The following RNF24 variants were observed in gnomAD, a reference collection of about 807,000 sequenced individuals.
RNF24 encodes ring finger protein 24.
A neutral mutation model predicts 20.0 loss-of-function variants in RNF24; 14 were observed. The ratio of observed to expected loss-of-function variants is 0.70; its 90% CI spans 0.46 to 1.10. The LOEUF is 1.10. RNF24 is among the 50% of genes least tolerant of loss of function. The pLI is 0.00. For synonymous variants in RNF24, 45 were observed against 61.1 expected (o/e 0.74, Z 1.23); for missense variants, 124 against 177.6 (o/e 0.70, Z 1.71).
At chr20:4,004,594 A>T (rs1452567089) in intron 1 of RNF24, among the ~76,000 whole-genome samples, 1 of 152,218 alleles carries the variant, frequency 6.6e-6, no homozygotes, top group East Asian at 1.9e-4. Flanking sequence ...TCCAATGGCA[A>T]GTGTCTTTAT....
intron 1 of RNF24, among the ~76,000 whole-genome samples, chr20:4,008,271 A>G (rs1416152363): frequency 7.4e-6 from 1 of 134,704 alleles, no homozygotes; most frequent in East Asian, 2.0e-4. Flanking sequence ...TTCAACTCCA[A>G]GCAGTCTGAT....
In RNF24 at chr20:3,931,907, G is replaced by A. The variant is rs1342143344; in HGVS notation, c.*2156C>T. On this transcript the variant is annotated 3_prime_UTR_variant, in exon 6 of 6. Transcript: ENST00000358395. ...ACATGCCTGTGGCTCTGACACGGGGGGATGAATTAACTTGCCTCTGTTCAA... is the reference window on the plus strand; with the variant it reads ...ACATGCCTGTGGCTCTGACACGGGGAGATGAATTAACTTGCCTCTGTTCAA... The A allele has an allele frequency of 6.6e-6, 1 of 152,216 alleles. No individual in the cohort carries two copies. The highest frequency in any genetic ancestry group is 2.4e-5 in the African/African-American group (1 of 41,452). The allele number at this position is 152,216 out of a possible 1,614,324, so 9.4% of individuals were successfully genotyped here. A position where few individuals can be genotyped will look rare whatever the true frequency, so the allele number is the denominator to read the frequency against.
chr20:3,956,882 C>T (rs1010206597), intron 2 of RNF24, among the ~76,000 whole-genome samples: 4 of 152,084 alleles, frequency 2.6e-5, no homozygotes, highest in African/African-American at 2.4e-5. Flanking sequence ...TAAAATGGAC[C>T]GGGCATGGTG....
chr20:4,000,483 C>A (rs1981301009), intron 1 of RNF24, among the ~76,000 whole-genome samples: 1 of 152,096 alleles, frequency 6.6e-6, no homozygotes. Flanking sequence ...TGAGATGAAG[C>A]CATTGCACTC....
Position 3,932,771 on chromosome 20 carries a change from C to T in RNF24, c.*1292G>A, listed in dbSNP as rs145977270. The T allele has an allele frequency of 0.011, 4,216 of 397,466 alleles. 49 individuals carry two copies. The highest frequency in any genetic ancestry group is 0.011 in the Non-Finnish European group (2,477 of 225,886). The allele number at this position is 397,466 out of a possible 1,614,324, so 24.6% of individuals were successfully genotyped here. A position where few individuals can be genotyped will look rare whatever the true frequency, so the allele number is the denominator to read the frequency against. ...GAGCAGGGCTGTGGAAAAGAATTTT[C>T]CATCTGACCTGCTACTTTCCATAGC... On this transcript the variant is annotated 3_prime_UTR_variant, in exon 6 of 6. Coordinates refer to ENST00000358395, the MANE Select transcript of RNF24 (RefSeq NM_001134337.3).
intron 1 of RNF24, among the ~76,000 whole-genome samples, chr20:3,972,048 G>C (rs975510027): frequency 6.6e-6 from 1 of 152,028 alleles, no homozygotes. Context: ...TTACCAGAGA[G>C]AGAAAGAAAC....
At chr20:3,973,055 T>C (rs151138715) in intron 1 of RNF24, among the ~76,000 whole-genome samples, 436 of 151,270 alleles carry the variant, frequency 2.9e-3, no homozygotes, top group African/African-American at 9.9e-3. Flanking sequence ...ACACAAAAAT[T>C]AGCTGGGTGT....
At chr20:4,007,431 T>C (rs1981964594) in intron 1 of RNF24, among the ~76,000 whole-genome samples, 1 of 152,088 alleles carries the variant, frequency 6.6e-6, no homozygotes, top group African/African-American at 2.4e-5. Context: ...CATTGTCTTA[T>C]AGCTGTTTCA....
In RNF24 at chr20:3,933,669, T is replaced by C. The variant is rs1030983872; in HGVS notation, c.*394A>G. On this transcript the variant is annotated 3_prime_UTR_variant, in exon 6 of 6. Coordinates refer to ENST00000358395, the MANE Select transcript of RNF24 (RefSeq NM_001134337.3). The stretch of plus-strand genomic sequence containing the variant: ...AGGTTTGCTGCGACAAAGGCCTGCA[T>C]GGCCTACAGAGAAACCCATCCATCC... 20 of 172,968 alleles carry C rather than the reference T, an allele frequency of 1.2e-4. No individual in the cohort carries two copies. Among genetic ancestry groups the C allele is most frequent in the African/African-American group, 4.7e-4 (20 of 42,438 alleles). The allele number at this position is 172,968 out of a possible 1,614,324, so 10.7% of individuals were successfully genotyped here. A position where few individuals can be genotyped will look rare whatever the true frequency, so the allele number is the denominator to read the frequency against.
At chr20:3,949,061 C>T (rs775520080) in intron 2 of RNF24, among the ~76,000 whole-genome samples, 29 of 152,166 alleles carry the variant, frequency 1.9e-4, no homozygotes, top group Non-Finnish European at 3.5e-4. Flanking sequence ...AGTATATACC[C>T]GGGAGTAGAA....
chr20:3,945,178 T>G lies in RNF24; in HGVS notation c.227A>C (p.Glu76Ala). Residue 76 changes from glutamate (E) to alanine (A), a missense_variant and splice_region_variant, in exon 4 of 6, where the codon GAG becomes GCG. Physicochemically the swap from Glu to Ala is moderately radical, Grantham distance 107. Transcript: ENST00000358395. ...KEKVKELNLH[E>A]LCAVCLEDFK... is the part of the protein sequence containing the mutation. ...AGGATTTACTTATCATCAACTTACCTCATGTAAATTCAATTCTTTTACTTT... is the reference window on the plus strand; with the variant it reads ...AGGATTTACTTATCATCAACTTACCGCATGTAAATTCAATTCTTTTACTTT... 1 of 1,601,012 alleles carries G rather than the reference T, an allele frequency of 6.2e-7. No homozygotes were observed. Among genetic ancestry groups the G allele is most frequent in the Non-Finnish European group, 8.5e-7 (1 of 1,173,220 alleles).
At chr20:3,970,599 C>G (rs1295288283) in intron 1 of RNF24, among the ~76,000 whole-genome samples, 2 of 151,944 alleles carry the variant, frequency 1.3e-5, no homozygotes, top group Non-Finnish European at 2.9e-5. Flanking sequence ...ATGCTTGAAA[C>G]AAGTGAAAAC....
intron 1 of RNF24, among the ~76,000 whole-genome samples, chr20:3,980,588 C>T (rs182864641): frequency 1.3e-4 from 20 of 152,006 alleles, no homozygotes; most frequent in Admixed American, 9.2e-4. Flanking sequence ...CTGCAGAAAG[C>T]GAAACTGAAA....
chr20:3,962,485 T>C (rs2031288781), intron 2 of RNF24, among the ~76,000 whole-genome samples: 1 of 151,310 alleles, frequency 6.6e-6, no homozygotes, highest in Admixed American at 6.6e-5. Context: ...ATGTACCTCA[T>C]TTTTTTTTCT....
intron 1 of RNF24, among the ~76,000 whole-genome samples, chr20:4,007,738 CAAAAA>C (rs1161702317): frequency 1.4e-4 from 8 of 56,328 alleles, no homozygotes; most frequent in Non-Finnish European, 2.1e-4. Flanking sequence ...CCTGTCTCTA[CAAAAA>C]AAAAAAAAAA....
At chr20:3,941,505 T>A (rs992718421) in intron 4 of RNF24, among the ~76,000 whole-genome samples, 2 of 149,808 alleles carry the variant, frequency 1.3e-5, no homozygotes, top group Non-Finnish European at 3.0e-5. Context: ...AAAGTAAAAA[T>A]CACAACAGAT....
At chr20:3,960,537 G>A (rs1022280985) in intron 2 of RNF24, among the ~76,000 whole-genome samples, 6 of 151,880 alleles carry the variant, frequency 4.0e-5, no homozygotes, top group African/African-American at 7.2e-5. Context: ...GCGTGGTGGC[G>A]TGCGCCTGTA....
At chr20:3,979,483 C>T (rs1022534) in intron 1 of RNF24, among the ~76,000 whole-genome samples, 135,235 of 152,112 alleles carry the variant, frequency 0.89, 60,463 homozygotes, top group Non-Finnish European at 0.93. Context: ...CAGACCAGCA[C>T]GGCCAACATG....
In RNF24 at chr20:3,991,247, C is replaced by CT. The variant is rs10599625; in HGVS notation, c.-8+24189dup. ...TTATTTTTATTTATTTTTTAAACAA[C>CT]TTTTTTTTTTTTTTTTTTTTTTGAG... On this transcript the variant is annotated intron_variant, in intron 1 of 5. Coordinates refer to ENST00000358395, the MANE Select transcript of RNF24 (RefSeq NM_001134337.3). Among the ~76,000 whole-genome samples the CT allele has an allele frequency of 1.0e-3, 83 of 82,764 alleles. 1 individual carries two copies. Among genetic ancestry groups the CT allele is most frequent in the East Asian group, 3.7e-3 (14 of 3,834 alleles). The allele number at this position is 82,764 out of a possible 152,430, so 54.3% of individuals were successfully genotyped here.
Sources: allele counts gnomAD v4.1 joint callset (sites outside exome capture counted in the v4.1 genomes callset), GRCh38; gene constraint gnomAD v4.1.1; transcripts MANE v1.5; gene names NCBI Gene and HGNC (gene_info 2026-07-23, HGNC 2026-07-21).